Variants in RAD54L2 observed in about 807,000 individuals in gnomAD.
RAD54L2 encodes the protein helicase ARIP4.
RAD54L2 carries 27 observed loss-of-function variants against 138.4 expected under a neutral mutation model. That is an observed-to-expected ratio of 0.20 (90% CI 0.14 to 0.27). RAD54L2 has a LOEUF of 0.27. RAD54L2 is among the 10% of genes least tolerant of loss of function. RAD54L2 has a pLI of 1.00. For synonymous variants in RAD54L2, 644 were observed against 723.2 expected (o/e 0.89, Z 1.76); for missense variants, 1,396 against 1,890.2 (o/e 0.74, Z 4.85).
intron 3 of RAD54L2, among the ~76,000 whole-genome samples, chr3:51,616,813 G>A (rs376814925): frequency 1.2e-4 from 18 of 152,216 alleles, no homozygotes; most frequent in East Asian, 1.2e-3. Context: ...GAGTGACAGA[G>A]TGAGACTCTG....
At chr3:51,605,527 AGTGC>A (rs1269399533) in intron 3 of RAD54L2, among the ~76,000 whole-genome samples, 1 of 132,194 alleles carries the variant, frequency 7.6e-6, no homozygotes, top group Non-Finnish European at 1.5e-5. Context: ...ATCTTGGCTC[AGTGC>A]AGCCTCCACC....
intron 19 of RAD54L2, among the ~76,000 whole-genome samples, chr3:51,647,739 C>T (rs1447374661): frequency 2.0e-5 from 3 of 152,108 alleles, no homozygotes; most frequent in African/African-American, 7.2e-5. Flanking sequence ...TCTTGAACTC[C>T]TGGGCTCAAG....
intron 2 of RAD54L2, among the ~76,000 whole-genome samples, chr3:51,578,174 A>C (rs1321941044): frequency 1.9e-5 from 2 of 107,192 alleles, no homozygotes; most frequent in African/African-American, 7.5e-5. Flanking sequence ...GATCTAACCC[A>C]GGATCCCTCA....
intron 1 of RAD54L2, among the ~76,000 whole-genome samples, chr3:51,540,931 C>T (rs1698532716): frequency 6.7e-6 from 1 of 150,250 alleles, no homozygotes; most frequent in Non-Finnish European, 1.5e-5. Context: ...GTCCCAGCTA[C>T]TCTGGAGGCA....
At chr3:51,598,177 G>GTA (rs71084152) in intron 3 of RAD54L2, among the ~76,000 whole-genome samples, 32,215 of 134,750 alleles carry the variant, frequency 0.24, 4,176 homozygotes, top group Non-Finnish European at 0.31. Context: ...GTGTGTGTGT[G>GTA]TATATATATA....
In RAD54L2 at chr3:51,573,102, AT is replaced by A. The variant is rs1699378296; in HGVS notation, c.-54-17264del. 2.0e-5 allele frequency among the ~76,000 whole-genome samples: 3 copies of A among 152,296 alleles called. No homozygotes were observed. The South Asian group carries it at 6.2e-4, about 32-fold the overall frequency. On this transcript the variant is annotated intron_variant, in intron 2 of 22. Coordinates refer to ENST00000684192, the MANE Select transcript of RAD54L2 (RefSeq NM_015106.4). Reference sequence around the variant, plus strand: ...TGAAATATATAATCTAGATGGATACATAAGTCGCTTTACAAGATTCTTCAAA... The same window carrying A: ...TGAAATATATAATCTAGATGGATACAAAGTCGCTTTACAAGATTCTTCAAA...
chr3:51,633,735 C>G lies in RAD54L2; in HGVS notation c.984C>G (p.Ala328=). The G allele has an allele frequency of 6.2e-7, 1 of 1,613,908 alleles. No homozygotes were observed. Among genetic ancestry groups the G allele is most frequent in the East Asian group, 2.2e-5 (1 of 44,888 alleles). ...ACGTCCTCTTCCGCCACACGCCAGC[C>G]AAAACAGTCCTTGCCATTGTGCCGG... The part of the protein sequence containing the change: ...FIDVLFRHTP[A]KTVLAIVPVN... Residue 328 remains alanine (A), a synonymous_variant, in exon 8 of 23, where the codon GCC becomes GCG. Transcript: ENST00000684192.
At chr3:51,655,064 G>T (rs1701561464) in intron 19 of RAD54L2, among the ~76,000 whole-genome samples, 1 of 152,138 alleles carries the variant, frequency 6.6e-6, no homozygotes, top group Non-Finnish European at 1.5e-5. Flanking sequence ...GGGACCAAGG[G>T]GCTGACCAAA....
At chr3:51,573,708 G>A (rs1244421628) in intron 2 of RAD54L2, among the ~76,000 whole-genome samples, 2 of 152,186 alleles carry the variant, frequency 1.3e-5, no homozygotes, top group African/African-American at 4.8e-5. Context: ...GACCTCAGGT[G>A]AGCCACTGCG....
intron 2 of RAD54L2, among the ~76,000 whole-genome samples, chr3:51,567,800 C>T (rs74438730): frequency 8.7e-4 from 132 of 151,832 alleles, no homozygotes; most frequent in East Asian, 2.9e-3. Context: ...CTTTTCAGTA[C>T]GTCATATCCA....
In RAD54L2 at chr3:51,657,637, G is replaced by C. The variant is rs756672056; in HGVS notation, c.3284G>C (p.Gly1095Ala). 1 of 1,582,286 alleles carries C rather than the reference G, an allele frequency of 6.3e-7. No individual in the cohort carries two copies. The highest frequency in any genetic ancestry group is 8.6e-7 in the Non-Finnish European group (1 of 1,161,982). ...STDVQARINA[G>A]ESIHIIRGTK... ...GATGTACAGGCAAGAATTAATGCTG[G>C]TGAGAGCATCCACATCATCCGTGGG... The change falls in exon 21 of 23, where the codon GGT becomes GCT. Residue 1095 changes from glycine to alanine, a missense_variant. By Grantham distance (60) the Gly-to-Ala change is moderately conservative (BLOSUM62 0). Around this residue, in one of 7 missense-constraint regions of RAD54L2, gnomAD observed 634 missense variants for 711.2 expected, o/e 0.89. Transcript: ENST00000684192.
At chr3:51,644,008 T>A in intron 16 of RAD54L2, 34 bp downstream of exon 16, 2 of 1,538,826 alleles carry the variant, frequency 1.3e-6, no homozygotes, top group Non-Finnish European at 1.8e-6. Flanking sequence ...GTCAAAGGAA[T>A]CTGTTCAGGC....
intron 7 of RAD54L2, 32 bp downstream of exon 7, chr3:51,630,963 C>T (rs1477887588): frequency 6.4e-7 from 1 of 1,568,142 alleles, no homozygotes; most frequent in East Asian, 2.2e-5. Flanking sequence ...TTCTCCTTTT[C>T]CTTTTTGTTT....
intron 3 of RAD54L2, among the ~76,000 whole-genome samples, chr3:51,625,381 G>T (rs1033402226): frequency 6.6e-6 from 1 of 152,214 alleles, no homozygotes; most frequent in Non-Finnish European, 1.5e-5. Context: ...TCGTGTCATT[G>T]TATTCCAGCC....
intron 3 of RAD54L2, among the ~76,000 whole-genome samples, chr3:51,610,913 A>G (rs937684988): frequency 1.4e-4 from 21 of 152,206 alleles, no homozygotes; most frequent in African/African-American, 4.3e-4. Flanking sequence ...ATTCCTTCTA[A>G]TGCATAATGG....
At chr3:51,620,407 CTTTTTTTTTT>C (rs60585256) in intron 3 of RAD54L2, among the ~76,000 whole-genome samples, 2 of 82,558 alleles carry the variant, frequency 2.4e-5, no homozygotes, top group East Asian at 3.6e-4. Context: ...TCCTACTGGT[CTTTTTTTTTT>C]TTTTTTTTTT....
chr3:51,578,736 G>T (rs1419428105), intron 2 of RAD54L2, among the ~76,000 whole-genome samples: 1 of 152,098 alleles, frequency 6.6e-6, no homozygotes, highest in South Asian at 2.1e-4. Context: ...CAGCATCTAG[G>T]GGAGGGTGCC....
intron 21 of RAD54L2, 84 bp downstream of exon 21, chr3:51,657,753 C>A: frequency 1.1e-6 from 1 of 934,020 alleles, no homozygotes; most frequent in Non-Finnish European, 1.7e-6. Context: ...ATGACTTGAG[C>A]TAGACGGGTC....
At chr3:51,545,336 C>T (rs1228467156) in intron 2 of RAD54L2, among the ~76,000 whole-genome samples, 6 of 151,762 alleles carry the variant, frequency 4.0e-5, no homozygotes, top group South Asian at 2.1e-4. Flanking sequence ...GGATTACAGG[C>T]GCGTGCCACC....
Sources: allele counts gnomAD v4.1 joint callset (sites outside exome capture counted in the v4.1 genomes callset), GRCh38; gene constraint gnomAD v4.1.1; regional missense constraint gnomAD v4.1.1; transcripts MANE v1.5; gene names NCBI Gene and HGNC (gene_info 2026-07-23, HGNC 2026-07-21).